The following ZNF69 variants were observed in gnomAD, a reference collection of about 807,000 sequenced individuals.
The protein encoded by ZNF69 is zinc finger protein 69.
A neutral mutation model predicts 50.9 loss-of-function variants in ZNF69; 47 were observed. That is an observed-to-expected ratio of 0.92 (90% CI 0.73 to 1.18). The LOEUF (loss-of-function observed/expected upper bound fraction) is 1.18, where lower values mean the gene tolerates loss of function less well. ZNF69 is among the 50% of genes most tolerant of loss of function. The pLI is 0.00. For synonymous variants in ZNF69, 216 were observed against 223.1 expected (o/e 0.97, Z 0.29); for missense variants, 717 against 675.1 (o/e 1.06, Z -0.69).
chr19:11,980,180 G>C, the ZNF69 span: 1 of 572,804 alleles, frequency 1.7e-6, no homozygotes, highest in Admixed American at 2.9e-5. Context: ...AGGAGTTCAA[G>C]ACTGGCCTGA....
At chr19:11,967,331 C>T in the ZNF69 span, among the ~76,000 whole-genome samples, 200 of 152,122 alleles carry the variant, frequency 1.3e-3, 2 homozygotes, top group African/African-American at 4.6e-3. Flanking sequence ...AGTGAGACCC[C>T]ATCTCAAAAA....
At chr19:11,962,977 T>G in the ZNF69 span, among the ~76,000 whole-genome samples, 4 of 152,166 alleles carry the variant, frequency 2.6e-5, no homozygotes, top group African/African-American at 9.7e-5. Flanking sequence ...AAGCCTCTTA[T>G]GTGGCGGAAT....
At chr19:11,933,909 C>A in the ZNF69 span, among the ~76,000 whole-genome samples, 9 of 146,988 alleles carry the variant, frequency 6.1e-5, no homozygotes, top group Non-Finnish European at 1.5e-5. Context: ...CACCCCAGCT[C>A]AGGTGATCCT....
chr19:11,910,460 G>A (rs1479631589), downstream of ZNF69, among the ~76,000 whole-genome samples: 1 of 152,120 alleles, frequency 6.6e-6, no homozygotes, highest in African/African-American at 2.4e-5. Context: ...CATGGTACTG[G>A]TACCAAACAG....
chr19:11,902,116 A>G (rs763257835), intron 1 of ZNF69, among the ~76,000 whole-genome samples: 10 of 150,380 alleles, frequency 6.6e-5, no homozygotes, highest in Non-Finnish European at 1.3e-4. Context: ...CTGAGTAACT[A>G]GGTTTACAGG....
chr19:11,980,045 C>T, the ZNF69 span: 1 of 1,096,076 alleles, frequency 9.1e-7, no homozygotes, highest in Non-Finnish European at 1.4e-6. Context: ...TGAAAGGACT[C>T]ACACTGGAGA....
the ZNF69 span, among the ~76,000 whole-genome samples, chr19:11,940,829 G>A: frequency 0.094 from 14,330 of 151,932 alleles, 1,271 homozygotes; most frequent in African/African-American, 0.24. Flanking sequence ...GGTTCTCCAC[G>A]TCCCCCCCAG....
chr19:11,927,653 A>T, the ZNF69 span, among the ~76,000 whole-genome samples: 1 of 152,214 alleles, frequency 6.6e-6, no homozygotes, highest in Non-Finnish European at 1.5e-5. Context: ...TGATTTAAAG[A>T]AAACTATCCT....
the ZNF69 span, among the ~76,000 whole-genome samples, chr19:11,951,891 T>C: frequency 1.3e-5 from 2 of 152,232 alleles, no homozygotes; most frequent in Non-Finnish European, 2.9e-5. Context: ...AGCCTTGGCC[T>C]TGGCCAGACA....
the ZNF69 span, among the ~76,000 whole-genome samples, chr19:11,928,153 A>AT: frequency 1.3e-5 from 2 of 151,906 alleles, no homozygotes; most frequent in African/African-American, 4.8e-5. Flanking sequence ...CACCTGGCTA[A>AT]TTTTTTATTT....
chr19:11,894,156 A>T (rs918143002), intron 1 of ZNF69, among the ~76,000 whole-genome samples: 1 of 152,104 alleles, frequency 6.6e-6, no homozygotes, highest in Non-Finnish European at 1.5e-5. Context: ...TCCTCCTTTC[A>T]TCTATCCTAA....
the ZNF69 span, among the ~76,000 whole-genome samples, chr19:11,959,961 T>C: frequency 8.4e-4 from 128 of 152,282 alleles, 1 homozygote; most frequent in Admixed American, 8.1e-3. Flanking sequence ...GCATTTTTCC[T>C]ATATGATCTT....
the ZNF69 span, chr19:11,950,013 T>G: frequency 2.5e-6 from 4 of 1,614,010 alleles, no homozygotes; most frequent in South Asian, 3.3e-5. Context: ...TCTCTTCTTT[T>G]CAAATACATG....
At chr19:11,950,106 T>G in the ZNF69 span, 2 of 1,614,112 alleles carry the variant, frequency 1.2e-6, no homozygotes, top group Non-Finnish European at 1.7e-6. Flanking sequence ...TTCAAATACA[T>G]GCAAGAACAC....
chr19:11,888,525 T>C (rs187049349), intron 1 of ZNF69, among the ~76,000 whole-genome samples: 124 of 152,260 alleles, frequency 8.1e-4, no homozygotes, highest in Non-Finnish European at 1.5e-3. Flanking sequence ...AGGAGAGACC[T>C]TGGCCGAGGG....
chr19:11,962,728 C>G, the ZNF69 span, among the ~76,000 whole-genome samples: 1 of 152,058 alleles, frequency 6.6e-6, no homozygotes, highest in East Asian at 1.9e-4. Flanking sequence ...GAGCAGTTAA[C>G]CGGAACTATC....
the ZNF69 span, among the ~76,000 whole-genome samples, chr19:11,930,069 G>A: frequency 1.4e-5 from 2 of 148,094 alleles, no homozygotes; most frequent in East Asian, 3.9e-4. Context: ...GGGTATCTGT[G>A]CCTAGGGGAG....
chr19:11,913,391 A>C, intron 4 of ZNF69: 1 of 564,010 alleles, frequency 1.8e-6, no homozygotes, highest in Non-Finnish European at 3.1e-6. Context: ...AATTTTTCTT[A>C]TCTTTTTTTT....
At chr19:11,943,228 G>C in the ZNF69 span, among the ~76,000 whole-genome samples, 5 of 152,290 alleles carry the variant, frequency 3.3e-5, no homozygotes, top group African/African-American at 1.2e-4. Context: ...TGCCAACTTT[G>C]TTATGTCCTT....
Sources: allele counts gnomAD v4.1 joint callset (sites outside exome capture counted in the v4.1 genomes callset), GRCh38; gene constraint gnomAD v4.1.1; transcripts MANE v1.5; gene names NCBI Gene and HGNC (gene_info 2026-07-23, HGNC 2026-07-21).